The following CGNL1 variants were observed in gnomAD, a reference collection of about 807,000 sequenced individuals.
CGNL1 encodes the protein cingulin-like protein 1.
In CGNL1, 132 loss-of-function variants were observed where a neutral mutation model predicts 141.2. The observed-to-expected ratio is 0.93, with a 90% CI of 0.81 to 1.08. The LOEUF (loss-of-function observed/expected upper bound fraction) is 1.08, where lower values mean the gene tolerates loss of function less well. CGNL1 is among the 50% of genes least tolerant of loss of function. CGNL1 has a pLI of 0.00. For missense variants in CGNL1, 1,870 were observed against 1,588.6 expected (o/e 1.18, Z -3.01); for synonymous variants, 690 against 622.1 (o/e 1.11, Z -1.63).
At chr15:57,440,008 T>A (rs2063165154) in intron 2 of CGNL1, among the ~76,000 whole-genome samples, 1 of 151,928 alleles carries the variant, frequency 6.6e-6, no homozygotes, top group Non-Finnish European at 1.5e-5. Context: ...GCCTGAAAAA[T>A]TAGGTTAATT....
intron 2 of CGNL1, among the ~76,000 whole-genome samples, 190 bp downstream of exon 2, chr15:57,439,791 T>C (rs759307504): frequency 3.3e-5 from 5 of 152,218 alleles, no homozygotes; most frequent in Admixed American, 1.3e-4. Flanking sequence ...TATAGTTTTC[T>C]GGGTTCTTTG....
At chr15:57,474,501 T>C (rs1470269287) in intron 8 of CGNL1, among the ~76,000 whole-genome samples, 1 of 152,142 alleles carries the variant, frequency 6.6e-6, no homozygotes, top group African/African-American at 2.4e-5. Context: ...ATATCGTCAG[T>C]ACTTTGCAGA....
chr15:57,417,670 T>G (rs1193611113), intron 1 of CGNL1, among the ~76,000 whole-genome samples: 1 of 151,750 alleles, frequency 6.6e-6, no homozygotes, highest in East Asian at 1.9e-4. Context: ...CTCTCGTTCA[T>G]TTATTCATTC....
intron 14 of CGNL1, among the ~76,000 whole-genome samples, chr15:57,539,627 T>C (rs2032452901): frequency 6.6e-6 from 1 of 152,200 alleles, no homozygotes; most frequent in Non-Finnish European, 1.5e-5. Context: ...GCAGTCAGGC[T>C]CACCTCTCTG....
intron 1 of CGNL1, among the ~76,000 whole-genome samples, chr15:57,396,511 G>A (rs1332525800): frequency 6.6e-6 from 1 of 152,182 alleles, no homozygotes; most frequent in Non-Finnish European, 1.5e-5. Context: ...AACCTCAAGT[G>A]ATCTTCCTGC....
intron 1 of CGNL1, among the ~76,000 whole-genome samples, chr15:57,424,148 T>C (rs1314569412): frequency 1.3e-5 from 2 of 152,234 alleles, no homozygotes; most frequent in African/African-American, 4.8e-5. Context: ...CCCACTGGGC[T>C]CTGGCCAAGT....
At chr15:57,418,930 T>TG in intron 1 of CGNL1, among the ~76,000 whole-genome samples, 1 of 41,804 alleles carries the variant, frequency 2.4e-5, no homozygotes, top group Non-Finnish European at 6.8e-5. Context: ...CACTGCCTGG[T>TG]GCCTTTTTTT....
chr15:57,535,599 A>G (rs762054082), intron 14 of CGNL1, among the ~76,000 whole-genome samples: 1 of 152,188 alleles, frequency 6.6e-6, no homozygotes, highest in Non-Finnish European at 1.5e-5. Flanking sequence ...CAATGAATGG[A>G]TGAATGGATG....
intron 1 of CGNL1, among the ~76,000 whole-genome samples, chr15:57,413,239 CTCCCTTCT>C (rs2062812722): frequency 6.7e-6 from 1 of 149,834 alleles, no homozygotes; most frequent in African/African-American, 2.5e-5. Context: ...CCCTCCCTCC[CTCCCTTCT>C]TCCCTCCCTC....
intron 1 of CGNL1, among the ~76,000 whole-genome samples, chr15:57,394,353 G>A (rs2062579333): frequency 2.6e-5 from 4 of 152,080 alleles, no homozygotes; most frequent in South Asian, 4.2e-4. Flanking sequence ...TCGAACTCCC[G>A]ACTTCAGGTG....
At chr15:57,421,003 G>A (rs542536490) in intron 1 of CGNL1, among the ~76,000 whole-genome samples, 5 of 152,190 alleles carry the variant, frequency 3.3e-5, no homozygotes, top group Admixed American at 1.3e-4. Flanking sequence ...CCAAGGTTAC[G>A]GTATTTGAAG....
intron 1 of CGNL1, among the ~76,000 whole-genome samples, chr15:57,397,975 G>T (rs1256150126): frequency 4.6e-5 from 7 of 152,080 alleles, no homozygotes; most frequent in East Asian, 1.9e-4. Flanking sequence ...TAGAGATGGG[G>T]TTTCTTCATG....
At position 57,507,010 on chromosome 15, in the gene CGNL1, G is replaced by A. The variant is rs183633535; in HGVS notation, c.2404-9770G>A. 3.2e-4 allele frequency among the ~76,000 whole-genome samples: 48 copies of A among 152,060 alleles called. No homozygotes were observed. In the East Asian group the frequency reaches 4.0e-3, roughly 13 times the overall value. On this transcript the variant is annotated intron_variant, in intron 8 of 18. Transcript: ENST00000281282. ...TGGTTTTTTATATATTCACAATTTGGGTAGCCACCATCGCTATCTAATTCT... is the reference window on the plus strand; with the variant it reads ...TGGTTTTTTATATATTCACAATTTGAGTAGCCACCATCGCTATCTAATTCT...
At chr15:57,498,473 G>C (rs1463834308) in intron 8 of CGNL1, among the ~76,000 whole-genome samples, 7 of 152,022 alleles carry the variant, frequency 4.6e-5, no homozygotes, top group Non-Finnish European at 8.8e-5. Context: ...CCAAAGTGCT[G>C]GGATTACAGG....
intron 12 of CGNL1, chr15:57,527,731 C>T (rs1367186593): frequency 6.6e-6 from 1 of 152,244 alleles, no homozygotes; most frequent in Admixed American, 6.5e-5. Flanking sequence ...ATTAAGCTAG[C>T]TAATCATGTT....
rs546828874 is a variant in CGNL1 at position 57,453,784 on chromosome 15, G to A, written c.2156G>A (p.Arg719Gln). The part of the protein sequence containing the change: ...EMHDELDSAK[R>Q]SEDREKGALI... ...CACGATGAACTGGACAGTGCAAAGC[G>A]ATCGGAGGACAGGGAGAAGGGAGCT... Residue 719 changes from arginine to glutamine, a missense_variant, in exon 7 of 19, where the codon CGA (arginine) becomes CAA (glutamine). Arg to Gln is a conservative substitution (Grantham distance 43). Coordinates refer to ENST00000281282, the MANE Select transcript of CGNL1 (RefSeq NM_032866.5). 7.4e-6 allele frequency: 12 copies of A among 1,613,826 alleles called. No homozygotes were observed. Among genetic ancestry groups the A allele is most frequent in the Admixed American group, 1.7e-5 (1 of 60,018 alleles).
intron 8 of CGNL1, among the ~76,000 whole-genome samples, chr15:57,470,798 G>A (rs1290294853): frequency 2.0e-5 from 3 of 152,174 alleles, no homozygotes; most frequent in African/African-American, 2.4e-5. Flanking sequence ...TATGGTTGCT[G>A]TGGTTGAGGT....
At chr15:57,497,008 G>C (rs1466483920) in intron 8 of CGNL1, among the ~76,000 whole-genome samples, 1 of 152,186 alleles carries the variant, frequency 6.6e-6, no homozygotes, top group Non-Finnish European at 1.5e-5. Flanking sequence ...TTGTGTGGAA[G>C]CAGCACTTCA....
At chr15:57,393,929 CT>C (rs58215581) in intron 1 of CGNL1, 55,495 of 131,306 alleles carry the variant, frequency 0.42, 11,617 homozygotes, top group Middle Eastern at 0.57. Flanking sequence ...CATGTATTAA[CT>C]TTTTTTTTTT....
Sources: gnomAD v4.1 joint callset for allele counts (sites outside exome capture counted in the v4.1 genomes callset) on GRCh38, gnomAD v4.1.1 for gene constraint, MANE v1.5 for transcripts, NCBI Gene and HGNC (gene_info 2026-07-23, HGNC 2026-07-21) for gene names.